The following CIRBP variants were observed in gnomAD, a reference collection of about 807,000 sequenced individuals.
The protein encoded by CIRBP is cold-inducible RNA-binding protein.
In CIRBP, 11 loss-of-function variants were observed where a neutral mutation model predicts 22.3. The observed-to-expected ratio is 0.49, with a 90% confidence interval of 0.31 to 0.82. The LOEUF (loss-of-function observed/expected upper bound fraction) is 0.82, where lower values mean the gene tolerates loss of function less well. Ranked by LOEUF, CIRBP falls within the 40% of genes least tolerant of loss-of-function variation. CIRBP has a pLI of 0.05. For synonymous variants in CIRBP, 216 were observed against 158.8 expected (o/e 1.36, Z -2.71); for missense variants, 456 against 402.7 (o/e 1.13, Z -1.13).
chr19:1,270,288 A>G (rs546134716), intron 1 of CIRBP: 7 of 363,824 alleles, frequency 1.9e-5, no homozygotes, highest in Non-Finnish European at 2.8e-5. Flanking sequence ...GTTCTGGTCC[A>G]GCAACAAGTA....
chr19:1,270,218 C>T (rs2081315215), intron 1 of CIRBP: 3 of 383,310 alleles, frequency 7.8e-6, no homozygotes, highest in Admixed American at 5.6e-5. Context: ...ACGGGGCGGC[C>T]TCCCTGACAG....
At chr19:1,270,233 C>CT (rs1491476902) in intron 1 of CIRBP, 1 of 11,904 alleles carries the variant, frequency 8.4e-5, no homozygotes, top group African/African-American at 7.7e-4. Flanking sequence ...TGACAGCCAG[C>CT]CCCCCCCCCA....
chr19:1,271,095 G>C (rs2081331826), intron 2 of CIRBP, 45 bp from the exon 3 acceptor site: 1 of 1,611,338 alleles, frequency 6.2e-7, no homozygotes, highest in Non-Finnish European at 8.5e-7. Context: ...CTCCTACCTG[G>C]AAGTACAGCT....
Position 1,272,207 on chromosome 19 carries a change from C to T in CIRBP, c.658C>T (p.Arg220Cys), listed in dbSNP as rs568536633. Residue 220 changes from arginine (R) to cysteine (C), a missense_variant, in exon 6 of 6, where the codon CGC (arginine) becomes TGC (cysteine). Around this residue, in one of 2 missense-constraint regions of CIRBP, gnomAD observed 426 missense variants for 339.6 expected, o/e 1.25. Transcript: ENST00000587896. Reference protein sequence around the residue: ...AHLSSQSHFYRRTQKPNETDQ... With the variant: ...AHLSSQSHFYCRTQKPNETDQ... Reference sequence around the variant, plus strand: ...TCTGTCCTCTCAGAGCCATTTCTATCGCAGGACGCAAAAGCCAAATGAGAC... The same window carrying T: ...TCTGTCCTCTCAGAGCCATTTCTATTGCAGGACGCAAAAGCCAAATGAGAC... The T allele has an allele frequency of 1.5e-5, 24 of 1,593,278 alleles. No individual in the cohort carries two copies. Among genetic ancestry groups the T allele is most frequent in the African/African-American group, 1.3e-4 (10 of 74,762 alleles).
Position 1,272,032 on chromosome 19 carries a change from AGACAGTTAT to A in CIRBP, c.492_500del (p.Asp165_Tyr167del), listed in dbSNP as rs1568832020. Reference sequence around the variant, plus strand: ...ACCGGAGCTCGGGCGGGTCCTACAGAGACAGTTATGACAGTTACGGTAAGTCACACTCCG... The same window carrying A: ...ACCGGAGCTCGGGCGGGTCCTACAGAGACAGTTACGGTAAGTCACACTCCG... On this transcript the variant is annotated inframe_deletion, in exon 6 of 6. Transcript: ENST00000587896. 4.3e-6 allele frequency: 7 copies of A among 1,613,942 alleles called. No homozygotes were observed. The highest frequency in any genetic ancestry group is 4.0e-5 in the African/African-American group (3 of 75,024).
chr19:1,273,081 T>TC lies in CIRBP; in HGVS notation c.*640dup. Reference sequence around the variant, plus strand: ...TTTTTACTGGAAGACGTACGCATACTCCATCGATGTTGTATTTGCAGTGGC... The same window carrying TC: ...TTTTTACTGGAAGACGTACGCATACTCCCATCGATGTTGTATTTGCAGTGGC... On this transcript the variant is annotated 3_prime_UTR_variant, in exon 6 of 6. Coordinates refer to ENST00000587896, the MANE Select transcript of CIRBP (RefSeq NM_001300829.2). 6.6e-6 allele frequency: 1 copy of TC among 152,418 alleles called. No individual in the cohort carries two copies. The highest frequency in any genetic ancestry group is 1.5e-5 in the Non-Finnish European group (1 of 68,052). 9.4% of individuals were successfully genotyped at this position (152,418 alleles called of 1,614,324 possible). A position where few individuals can be genotyped will look rare whatever the true frequency, so the allele number is the denominator to read the frequency against.
rs879329028 is a variant in CIRBP at position 1,274,174 on chromosome 19, C to T, written c.*1731C>T. 6 of 396,324 alleles carry T rather than the reference C, an allele frequency of 1.5e-5. No homozygotes were observed. The highest frequency in any genetic ancestry group is 4.4e-5 in the Admixed American group (1 of 22,624). The allele number at this position is 396,324 out of a possible 1,614,324, so 24.6% of individuals were successfully genotyped here. A position where few individuals can be genotyped will look rare whatever the true frequency, so the allele number is the denominator to read the frequency against. Reference sequence around the variant, plus strand: ...CCGCCCTGGGCATGCTGGCCTGTGACGGAGCCTGAGGTCACAGCCCCCTGA... The same window carrying T: ...CCGCCCTGGGCATGCTGGCCTGTGATGGAGCCTGAGGTCACAGCCCCCTGA... On this transcript the variant is annotated 3_prime_UTR_variant, in exon 6 of 6. Coordinates refer to ENST00000587896, the MANE Select transcript of CIRBP (RefSeq NM_001300829.2).
At position 1,271,537 on chromosome 19, in the gene CIRBP, T is replaced by C. The variant is rs1178722326; in HGVS notation, c.350-14T>C. ...CTGGTGGGAGCTGGTACTCACTTTT[T>C]CCTGTATGTGCAGGAGGAGGGGACC... On this transcript the variant is annotated splice_polypyrimidine_tract_variant and intron_variant, in intron 4 of 5. Coordinates refer to ENST00000587896, the MANE Select transcript of CIRBP (RefSeq NM_001300829.2). 1.3e-6 allele frequency: 2 copies of C among 1,593,318 alleles called. No individual in the cohort carries two copies. Among genetic ancestry groups the C allele is most frequent in the African/African-American group, 1.3e-5 (1 of 74,078 alleles).
At chr19:1,269,668 A>G (rs1432395205) in intron 1 of CIRBP, among the ~76,000 whole-genome samples, 1 of 151,736 alleles carries the variant, frequency 6.6e-6, no homozygotes, top group African/African-American at 2.4e-5. Context: ...GCCCAGCGAA[A>G]TGGCGGGAGC....
intron 1 of CIRBP, chr19:1,270,234 C>T (rs1258621477): frequency 1.7e-5 from 3 of 172,426 alleles, no homozygotes; most frequent in East Asian, 2.3e-4. Context: ...GACAGCCAGC[C>T]CCCCCCCCAG....
intron 1 of CIRBP, chr19:1,269,911 G>T (rs771178334): frequency 1.9e-6 from 1 of 519,844 alleles, no homozygotes; most frequent in Non-Finnish European, 3.8e-6. Context: ...GCCCGTTCTA[G>T]TGTGGTTCCT....
chr19:1,271,308 C>T lies in CIRBP; in HGVS notation c.211-21C>T, dbSNP rs117105484. The T allele has an allele frequency of 3.6e-3, 5,785 of 1,614,064 alleles. 11 individuals are homozygous for T. The highest frequency in any genetic ancestry group is 4.5e-3 in the Non-Finnish European group (5,357 of 1,180,028). ...AGGATGGGGCACCCACCTGCTAACC[C>T]GTCCCGCCCTCTGTCTCCAGTCTGT... is the stretch of plus-strand genomic sequence containing the variant. On this transcript the variant is annotated intron_variant, in intron 3 of 5. Transcript: ENST00000587896.
At chr19:1,271,112 T>C in intron 2 of CIRBP, 28 bp from the exon 3 acceptor site, 1 of 1,611,308 alleles carries the variant, frequency 6.2e-7, no homozygotes, top group Non-Finnish European at 8.5e-7. Flanking sequence ...AGCTGGGTGC[T>C]GACTGCAGAC....
Position 1,274,388 on chromosome 19 carries a change from T to C in CIRBP, c.*1945T>C. On this transcript the variant is annotated 3_prime_UTR_variant, in exon 6 of 6. Coordinates refer to ENST00000587896, the MANE Select transcript of CIRBP (RefSeq NM_001300829.2). ...CTGGGGTCACTGTCCCAGGAGGGAC[T>C]TCACCTGGAACAAGAGCTGGAGGCA... is the stretch of plus-strand genomic sequence containing the variant. The C allele has an allele frequency of 5.0e-6, 2 of 400,850 alleles. No homozygotes were observed. The highest frequency in any genetic ancestry group is 8.8e-6 in the Non-Finnish European group (2 of 226,142). The allele number at this position is 400,850 out of a possible 1,614,324, so 24.8% of individuals were successfully genotyped here. A position where few individuals can be genotyped will look rare whatever the true frequency, so the allele number is the denominator to read the frequency against.
chr19:1,272,752 T>C lies in CIRBP; in HGVS notation c.*309T>C, dbSNP rs756257291. ...CGGGGGTTGTGTGGGTTTTTGGTTT[T>C]TGTTTTAGTTTTTGGTTGCGTTGCC... is the stretch of plus-strand genomic sequence containing the variant. On this transcript the variant is annotated 3_prime_UTR_variant, in exon 6 of 6. Transcript: ENST00000587896. 1.5e-5 allele frequency: 4 copies of C among 261,424 alleles called. No homozygotes were observed. Among genetic ancestry groups the C allele is most frequent in the Non-Finnish European group, 2.9e-5 (4 of 139,904 alleles). 16.2% of individuals were successfully genotyped at this position (261,424 alleles called of 1,614,324 possible).
At chr19:1,269,757 C>G in intron 1 of CIRBP, 4 of 417,730 alleles carry the variant, frequency 9.6e-6, no homozygotes, top group East Asian at 6.3e-5. Context: ...ACGTGGCGCC[C>G]CCGGTCTCCA....
rs573305799 is a variant in CIRBP at position 1,273,881 on chromosome 19, T to TC, written c.*1442dup. ...CTAAAGTCAGGCCCAGCCATTACGC[T>TC]CCCCACGTGCAGCCAGGTGCAGCCT... is the stretch of plus-strand genomic sequence containing the variant. On this transcript the variant is annotated 3_prime_UTR_variant, in exon 6 of 6. Coordinates refer to ENST00000587896, the MANE Select transcript of CIRBP (RefSeq NM_001300829.2). 157 of 167,016 alleles carry TC rather than the reference T, an allele frequency of 9.4e-4. No individual in the cohort carries two copies. Among genetic ancestry groups the TC allele is most frequent in the African/African-American group, 3.3e-3 (138 of 42,104 alleles). 10.3% of individuals were successfully genotyped at this position (167,016 alleles called of 1,614,324 possible).
In CIRBP at chr19:1,271,266, G is replaced by C; in HGVS notation, c.210+20G>C. 1 of 1,614,040 alleles carries C rather than the reference G, an allele frequency of 6.2e-7. No homozygotes were observed. Among genetic ancestry groups the C allele is most frequent in the South Asian group, 1.1e-5 (1 of 91,086 alleles). On this transcript the variant is annotated intron_variant, in intron 3 of 5. Coordinates refer to ENST00000587896, the MANE Select transcript of CIRBP (RefSeq NM_001300829.2). The stretch of plus-strand genomic sequence containing the variant: ...GGGAAGGTGAGGATCAGGGTGCTGA[G>C]CAGGAGTCCCGTCTCGAGGATGGGG...
intron 5 of CIRBP, 167 bp from the exon 6 acceptor site, chr19:1,271,814 G>T: frequency 1.4e-6 from 1 of 722,344 alleles, no homozygotes; most frequent in Non-Finnish European, 2.3e-6. Flanking sequence ...AGGGCCTGGG[G>T]GACAGGCTGG....
Sources: allele counts gnomAD v4.1 joint callset (sites outside exome capture counted in the v4.1 genomes callset), GRCh38; gene constraint gnomAD v4.1.1; regional missense constraint gnomAD v4.1.1; transcripts MANE v1.5; gene names NCBI Gene and HGNC (gene_info 2026-07-23, HGNC 2026-07-21).